The following IQCH variants were observed in gnomAD, a reference collection of about 807,000 sequenced individuals.
IQCH encodes IQ domain-containing protein H.
In IQCH, 98 loss-of-function variants were observed where a neutral mutation model predicts 117.0. The ratio of observed to expected loss-of-function variants is 0.84; its 90% CI spans 0.71 to 0.99. The LOEUF is 0.99. IQCH is among the 50% of genes least tolerant of loss of function. The pLI, the probability that IQCH is intolerant of heterozygous loss-of-function variation, is 0.00. For missense variants in IQCH, 1,102 were observed against 1,243.8 expected (o/e 0.89, Z 1.72); for synonymous variants, 412 against 448.2 (o/e 0.92, Z 1.02).
At chr15:67,304,386 C>G (rs1202786706) in intron 4 of IQCH, 2 of 1,534,568 alleles carry the variant, frequency 1.3e-6, no homozygotes, top group Admixed American at 2.0e-5. Flanking sequence ...CTGAAAACAT[C>G]CACCACAGAG....
intron 3 of IQCH, among the ~76,000 whole-genome samples, chr15:67,269,861 A>T (rs1286553592): frequency 6.6e-6 from 1 of 152,182 alleles, no homozygotes; most frequent in African/African-American, 2.4e-5. Context: ...TATATATACC[A>T]CATTTTCTTT....
chr15:67,475,915 T>C lies in IQCH; in HGVS notation c.2799+97T>C. 9.3e-7 allele frequency: 1 copy of C among 1,080,098 alleles called. No homozygotes were observed. Among genetic ancestry groups the C allele is most frequent in the Non-Finnish European group, 1.4e-6 (1 of 728,184 alleles). The allele number at this position is 1,080,098 out of a possible 1,614,324, so 66.9% of individuals were successfully genotyped here. On this transcript the variant is annotated intron_variant, in intron 18 of 20. Transcript: ENST00000335894. The surrounding 1 kb of genome is among the most constrained non-coding windows in gnomAD (Gnocchi z 5.7). ...GGTGCCCCTTCAGATAGATATTCTT[T>C]AAATACCGGTTTGACGTGTCTGTAG...
rs915340167 is a variant in IQCH at position 67,359,201 on chromosome 15, A to C, written c.715-646A>C. On this transcript the variant is annotated intron_variant, in intron 7 of 20. Coordinates refer to ENST00000335894, the MANE Select transcript of IQCH (RefSeq NM_001031715.3). The surrounding 1 kb of genome is among the most constrained non-coding windows in gnomAD (Gnocchi z 4.5). ...GATAACAGATCTACAGGTAATACAA[A>C]TATTATGACTAGGTTTTAGCCAGTA... is the stretch of plus-strand genomic sequence containing the variant. 5.9e-5 allele frequency among the ~76,000 whole-genome samples: 9 copies of C among 152,208 alleles called. No homozygotes were observed. Among genetic ancestry groups the C allele is most frequent in the African/African-American group, 2.2e-4 (9 of 41,448 alleles).
intron 1 of IQCH, among the ~76,000 whole-genome samples, chr15:67,256,239 C>T (rs943517326): frequency 1.3e-5 from 2 of 152,102 alleles, no homozygotes; most frequent in Non-Finnish European, 2.9e-5. Context: ...TCATCTTATC[C>T]CTGTGGAGTC....
chr15:67,338,241 ATCTATCTG>A (rs71455546), intron 5 of IQCH, among the ~76,000 whole-genome samples: 238 of 150,916 alleles, frequency 1.6e-3, no homozygotes, highest in Admixed American at 4.2e-3. Context: ...CTATCTATCT[ATCTATCTG>A]TCTGCTCTGC....
chr15:67,400,491 C>CTTTTCTTTTTGTTTT (rs776111763), intron 14 of IQCH, among the ~76,000 whole-genome samples, 186 bp downstream of exon 14: 2 of 115,600 alleles, frequency 1.7e-5, no homozygotes, highest in African/African-American at 6.3e-5. Flanking sequence ...TCTTTTTTTT[C>CTTTTCTTTTTGTTTT]TTTTTTTTTT....
chr15:67,321,461 C>T (rs1968117367), intron 4 of IQCH, among the ~76,000 whole-genome samples: 1 of 140,162 alleles, frequency 7.1e-6, no homozygotes, highest in Non-Finnish European at 1.6e-5. Context: ...TCCTTCCTTT[C>T]CTTCCTTCCT....
intron 16 of IQCH, among the ~76,000 whole-genome samples, chr15:67,423,929 A>G (rs548379871): frequency 3.3e-4 from 51 of 152,266 alleles, no homozygotes; most frequent in African/African-American, 1.2e-3. Flanking sequence ...TCCCTGGGAC[A>G]ATAGGAAGGA....
intron 16 of IQCH, among the ~76,000 whole-genome samples, chr15:67,462,184 C>T (rs2082814530): frequency 6.6e-6 from 1 of 151,290 alleles, no homozygotes; most frequent in African/African-American, 2.4e-5. Flanking sequence ...GTAATTTCAG[C>T]ACTTTGGGAG....
chr15:67,264,399 C>T (rs960676980), intron 3 of IQCH, among the ~76,000 whole-genome samples: 1 of 152,242 alleles, frequency 6.6e-6, no homozygotes, highest in African/African-American at 2.4e-5. Flanking sequence ...GGGTCTCTCA[C>T]AGGCTGCAAT....
chr15:67,297,402 ACAT>A, intron 4 of IQCH, among the ~76,000 whole-genome samples: 1 of 152,238 alleles, frequency 6.6e-6, no homozygotes, highest in East Asian at 1.9e-4. Flanking sequence ...CAAATCCCAG[ACAT>A]CATATCATTT....
At chr15:67,347,281 C>A (rs1969440357) in intron 6 of IQCH, among the ~76,000 whole-genome samples, 1 of 150,694 alleles carries the variant, frequency 6.6e-6, no homozygotes, top group African/African-American at 2.4e-5. Flanking sequence ...AGCCTCTAGG[C>A]AGACTAACCA....
intron 17 of IQCH, among the ~76,000 whole-genome samples, chr15:67,468,411 C>T (rs1049762572): frequency 2.6e-5 from 4 of 152,180 alleles, no homozygotes; most frequent in African/African-American, 9.7e-5. Context: ...TGATAGAATG[C>T]AACAACAGCA....
rs894201905 is a variant in IQCH, at chr15:67,431,193, A to G, written c.2505+9616A>G. Among the ~76,000 whole-genome samples the G allele has an allele frequency of 1.4e-4, 22 of 152,328 alleles. No homozygotes were observed. Among genetic ancestry groups the G allele is most frequent in the African/African-American group, 5.3e-4 (22 of 41,564 alleles). ...ATATCATGTTGGATTCACCTCAAGT[A>G]AATATACATTTATATAGCAATTCTC... On this transcript the variant is annotated intron_variant, in intron 16 of 20. Transcript: ENST00000335894. This position sits in a 1 kb window ranked among gnomAD's most constrained non-coding sequence, Gnocchi z 4.8.
intron 18 of IQCH, among the ~76,000 whole-genome samples, chr15:67,482,535 AT>A (rs2083367680): frequency 6.6e-6 from 1 of 152,156 alleles, no homozygotes; most frequent in South Asian, 2.1e-4. Flanking sequence ...ATTTTGTTTC[AT>A]TCTTGCAATA....
At chr15:67,327,806 C>G (rs968813349) in intron 4 of IQCH, among the ~76,000 whole-genome samples, 1 of 152,160 alleles carries the variant, frequency 6.6e-6, no homozygotes, top group Admixed American at 6.6e-5. Flanking sequence ...ACATGGAGCT[C>G]AGAGGTCAGC....
intron 4 of IQCH, among the ~76,000 whole-genome samples, chr15:67,332,523 TC>T (rs2140642973): frequency 6.6e-6 from 1 of 152,022 alleles, no homozygotes; most frequent in East Asian, 1.9e-4. Context: ...AATTAAGAGA[TC>T]AATAAAAGAG....
intron 13 of IQCH, 68 bp from the exon 14 acceptor site, chr15:67,400,046 T>A: frequency 7.9e-7 from 1 of 1,267,354 alleles, no homozygotes; most frequent in South Asian, 1.3e-5. Context: ...AGCAACTAAG[T>A]TGTTACGATA....
intron 10 of IQCH, chr15:67,373,722 G>A (rs1466127138): frequency 7.1e-5 from 36 of 507,188 alleles, no homozygotes; most frequent in South Asian, 3.7e-4. Flanking sequence ...ATTTTTCCCC[G>A]AAATAACAGA....
Sources: allele counts gnomAD v4.1 joint callset (sites outside exome capture counted in the v4.1 genomes callset), GRCh38; gene constraint gnomAD v4.1.1; non-coding constraint Gnocchi (gnomAD v3.1); transcripts MANE v1.5; gene names NCBI Gene and HGNC (gene_info 2026-07-23, HGNC 2026-07-21).